Variants in C9orf43 observed in about 807,000 individuals in gnomAD.
C9orf43 encodes the protein uncharacterized protein C9orf43.
A neutral mutation model predicts 59.1 loss-of-function variants in C9orf43; 45 were observed. The observed-to-expected ratio is 0.76, with a 90% confidence interval of 0.60 to 0.98. The LOEUF (loss-of-function observed/expected upper bound fraction) is 0.98, where lower values mean the gene tolerates loss of function less well. Ranked by LOEUF, C9orf43 falls within the 50% of genes least tolerant of loss-of-function variation. C9orf43 has a pLI of 0.00. For missense variants in C9orf43, 533 were observed against 554.9 expected (o/e 0.96, Z 0.40); for synonymous variants, 203 against 196.8 (o/e 1.03, Z -0.26).
chr9:113,415,607 TATA>T (rs1252043314), intron 3 of C9orf43, among the ~76,000 whole-genome samples: 1 of 152,180 alleles, frequency 6.6e-6, no homozygotes, highest in East Asian at 1.9e-4. Flanking sequence ...CCTGTCTTTC[TATA>T]ATAATATTTT....
At chr9:113,414,051 A>G (rs556143918) in intron 3 of C9orf43, among the ~76,000 whole-genome samples, 157 bp downstream of exon 3, 1 of 152,234 alleles carries the variant, frequency 6.6e-6, no homozygotes, top group African/African-American at 2.4e-5. Context: ...ACAGAAAGAA[A>G]CCCTTCCTGC....
At chr9:113,416,968 C>A (rs966586438) in intron 3 of C9orf43, among the ~76,000 whole-genome samples, 1 of 152,162 alleles carries the variant, frequency 6.6e-6, no homozygotes, top group Non-Finnish European at 1.5e-5. Context: ...TGCTTTTTCA[C>A]AGAAGTCTTC....
chr9:113,428,059 A>G, intron 11 of C9orf43, 88 bp from the exon 12 acceptor site: 2 of 1,274,400 alleles, frequency 1.6e-6, no homozygotes, highest in Non-Finnish European at 2.3e-6. Context: ...ATGCAGAGTC[A>G]CTTGTAGACT....
chr9:113,429,124 A>G (rs988563785), intron 13 of C9orf43, 48 bp from the exon 14 acceptor site: 30 of 1,573,290 alleles, frequency 1.9e-5, no homozygotes, highest in Non-Finnish European at 2.6e-5. Context: ...CATTTGTTGT[A>G]GTTGAGAGGA....
rs1284718454 is a variant in C9orf43 at position 113,423,506 on chromosome 9, T to C, written c.656+8T>C. On this transcript the variant is annotated splice_region_variant and intron_variant, in intron 7 of 13. Coordinates refer to ENST00000374165, the MANE Select transcript of C9orf43 (RefSeq NM_001278629.2). ...TCAGGATCTACTGAAGGAGTAAGTATCATGTAGGTCTGTGGGAGAGCCAGA... is the reference window on the plus strand; with the variant it reads ...TCAGGATCTACTGAAGGAGTAAGTACCATGTAGGTCTGTGGGAGAGCCAGA... 5 of 1,607,026 alleles carry C rather than the reference T, an allele frequency of 3.1e-6. No homozygotes were observed. The African/African-American group carries it at 6.7e-5, about 21-fold the overall frequency.
At chr9:113,415,651 C>G (rs116731121) in intron 3 of C9orf43, among the ~76,000 whole-genome samples, 3,807 of 151,868 alleles carry the variant, frequency 0.025, 153 homozygotes, top group African/African-American at 0.087. Flanking sequence ...TTGTAAGCTC[C>G]TAAAGGAAAA....
chr9:113,413,732 AT>A (rs1189637041), intron 2 of C9orf43, 26 bp from the exon 3 acceptor site: 1 of 1,612,752 alleles, frequency 6.2e-7, no homozygotes, highest in South Asian at 1.1e-5. Context: ...GCAGGTTAAC[AT>A]GTTTTCTTCT....
chr9:113,425,101 C>G (rs764294069), intron 9 of C9orf43, 25 bp downstream of exon 9: 1 of 1,605,710 alleles, frequency 6.2e-7, no homozygotes, highest in South Asian at 1.1e-5. Flanking sequence ...GCTGCTGGAT[C>G]TCTAAGCACC....
Position 113,416,912 on chromosome 9 carries a change from C to T in C9orf43, c.288-2196C>T, listed in dbSNP as rs566391081. 1.3e-4 allele frequency among the ~76,000 whole-genome samples: 20 copies of T among 152,296 alleles called. No individual in the cohort carries two copies. The South Asian group carries it at 3.3e-3, about 25-fold the overall frequency. On this transcript the variant is annotated intron_variant, in intron 3 of 13. Coordinates refer to ENST00000374165, the MANE Select transcript of C9orf43 (RefSeq NM_001278629.2). Reference sequence around the variant, plus strand: ...CTTGTTGAGAAATACTGCCCTAGATCCTTCCATCTAATTCCTTTTGGTCAT... The same window carrying T: ...CTTGTTGAGAAATACTGCCCTAGATTCTTCCATCTAATTCCTTTTGGTCAT...
At chr9:113,423,214 CA>C (rs2119091184) in intron 6 of C9orf43, 111 bp from the exon 7 acceptor site, 1 of 1,025,698 alleles carries the variant, frequency 9.7e-7, no homozygotes, top group Admixed American at 2.5e-5. Context: ...TCAGAGGAGG[CA>C]ACCATGGCTG....
intron 8 of C9orf43, 88 bp from the exon 9 acceptor site, chr9:113,424,931 C>A (rs1828725554): frequency 1.8e-6 from 2 of 1,138,914 alleles, no homozygotes; most frequent in Non-Finnish European, 2.6e-6. Context: ...TGCTTGTTGA[C>A]TGGATGAATA....
intron 7 of C9orf43, 152 bp downstream of exon 7, chr9:113,423,650 G>A: frequency 2.9e-6 from 2 of 690,414 alleles, no homozygotes; most frequent in Non-Finnish European, 2.3e-6. Flanking sequence ...CAACAGGCAG[G>A]GATGACCATC....
rs184759629 is a variant in C9orf43 at position 113,425,464 on chromosome 9, C to T, written c.942+44C>T. ...GCTTGCTGGGACTGGGAGAGGTCTA[C>T]AGCCTGGAATGGGAAGGGATGTATG... On this transcript the variant is annotated intron_variant, in intron 10 of 13. Coordinates refer to ENST00000374165, the MANE Select transcript of C9orf43 (RefSeq NM_001278629.2). 8.8e-6 allele frequency: 14 copies of T among 1,586,762 alleles called. 1 individual carries two copies. The highest frequency in any genetic ancestry group is 1.7e-4 in the Middle Eastern group (1 of 5,998).
rs112628231 is a variant in C9orf43 at position 113,412,578 on chromosome 9, G to C, written c.-49-867G>C. ...CCTAAAACACCTCTAGAAAGGAAAA[G>C]ATGATAATATTTATTGAACACCTCC... On this transcript the variant is annotated intron_variant, in intron 1 of 13. Coordinates refer to ENST00000374165, the MANE Select transcript of C9orf43 (RefSeq NM_001278629.2). Among the ~76,000 whole-genome samples the C allele has an allele frequency of 3.4e-3, 516 of 152,340 alleles. 3 individuals are homozygous for C. The highest frequency in any genetic ancestry group is 0.012 in the African/African-American group (492 of 41,580).
rs538917360 is a variant in C9orf43, at chr9:113,413,803, T to C, written c.196T>C (p.Phe66Leu). ...LTVVDILDSG[F>L]AAHHLPECTF... ...CGTGGTAGACATCTTAGATTCCGGC[T>C]TTGCAGCTCATCATTTACCAGAATG... Residue 66 changes from phenylalanine (F) to leucine (L), a missense_variant, in exon 3 of 14, where the codon TTT becomes CTT. Phe to Leu is a conservative substitution (Grantham distance 22). Transcript: ENST00000374165. The C allele has an allele frequency of 4.2e-5, 68 of 1,614,220 alleles. No individual in the cohort carries two copies. In the South Asian group the frequency reaches 6.9e-4, roughly 16 times the overall value.
At chr9:113,427,514 C>T (rs1392686357) in intron 11 of C9orf43, among the ~76,000 whole-genome samples, 1 of 152,184 alleles carries the variant, frequency 6.6e-6, no homozygotes, top group Non-Finnish European at 1.5e-5. Flanking sequence ...GACTGTGTCC[C>T]AGCTATTAAG....
intron 3 of C9orf43, 73 bp from the exon 4 acceptor site, chr9:113,419,035 C>A: frequency 2.5e-6 from 3 of 1,223,292 alleles, no homozygotes; most frequent in South Asian, 2.7e-5. Context: ...AGAAGGATTT[C>A]CTCATAGCAC....
intron 1 of C9orf43, among the ~76,000 whole-genome samples, chr9:113,413,132 A>G (rs917951182): frequency 1.3e-5 from 2 of 152,220 alleles, no homozygotes; most frequent in African/African-American, 4.8e-5. Flanking sequence ...ACTAATTTTT[A>G]TAATGACCCT....
chr9:113,425,770 C>T, intron 11 of C9orf43, 40 bp downstream of exon 11: 1 of 1,508,454 alleles, frequency 6.6e-7, no homozygotes, highest in Non-Finnish European at 9.2e-7. Flanking sequence ...GATAGGATCC[C>T]TGAGGGGTAG....
Sources: gnomAD v4.1 joint callset for allele counts (sites outside exome capture counted in the v4.1 genomes callset) on GRCh38, gnomAD v4.1.1 for gene constraint, MANE v1.5 for transcripts, NCBI Gene and HGNC (gene_info 2026-07-23, HGNC 2026-07-21) for gene names.